IL19: variants seen among roughly 807,000 people sequenced by gnomAD.
IL19 encodes interleukin 19.
Under a neutral mutation model 19.5 loss-of-function variants are expected in IL19, and 15 were observed. That is an observed-to-expected ratio of 0.77 (90% confidence interval 0.52 to 1.19). The LOEUF is 1.19. Ranked by LOEUF, IL19 falls within the 50% of genes most tolerant of loss-of-function variation. The probability of loss-of-function intolerance (pLI) is 0.00; values close to 1 mark genes in which losing one functional copy is unlikely to be tolerated. For missense variants in IL19, 199 were observed against 213.1 expected (o/e 0.93, Z 0.41); for synonymous variants, 78 against 78.3 (o/e 1.00, Z 0.02).
intron 1 of IL19, among the ~76,000 whole-genome samples, chr1:206,793,500 G>A (rs111998860): frequency 1.6e-4 from 24 of 152,254 alleles, no homozygotes; most frequent in African/African-American, 5.3e-4. Context: ...TCCCCCAGCC[G>A]GCCTGACTCA....
At chr1:206,818,270 C>T (rs1676212799) in intron 2 of IL19, among the ~76,000 whole-genome samples, 2 of 152,046 alleles carry the variant, frequency 1.3e-5, no homozygotes, top group Admixed American at 1.3e-4. Flanking sequence ...TATTCTGGGC[C>T]GATAAACTGG....
At chr1:206,798,372 C>A (rs373114518) in intron 1 of IL19, among the ~76,000 whole-genome samples, 13 of 152,088 alleles carry the variant, frequency 8.5e-5, no homozygotes, top group African/African-American at 3.1e-4. Flanking sequence ...GACCTGCAGT[C>A]CTTGGGGGGC....
chr1:206,824,851 C>T (rs778464228), intron 2 of IL19, among the ~76,000 whole-genome samples: 9 of 152,224 alleles, frequency 5.9e-5, no homozygotes, highest in Non-Finnish European at 1.2e-4. Flanking sequence ...CAACCTCTGC[C>T]TCCTGGGTTC....
At chr1:206,824,825 C>T (rs1178656848) in intron 2 of IL19, among the ~76,000 whole-genome samples, 1 of 152,188 alleles carries the variant, frequency 6.6e-6, no homozygotes, top group Non-Finnish European at 1.5e-5. Flanking sequence ...TGCAATGGCA[C>T]GATCTCGGCT....
intron 4 of IL19, 103 bp from the exon 5 acceptor site, chr1:206,839,747 T>G: frequency 9.8e-7 from 1 of 1,015,904 alleles, no homozygotes; most frequent in Non-Finnish European, 1.5e-6. Flanking sequence ...CAAAATGACT[T>G]TTAGTTCTCT....
At chr1:206,841,963 G>T (rs1051757248) in intron 6 of IL19, among the ~76,000 whole-genome samples, 5 of 152,162 alleles carry the variant, frequency 3.3e-5, no homozygotes, top group Non-Finnish European at 7.3e-5. Context: ...TCTACAGGAC[G>T]CGCTAAAAGC....
chr1:206,835,061 C>T (rs1183138474), intron 2 of IL19, among the ~76,000 whole-genome samples: 2 of 152,210 alleles, frequency 1.3e-5, no homozygotes, highest in Non-Finnish European at 1.5e-5. Context: ...TTACTTACTA[C>T]TAATATCTGA....
chr1:206,841,190 C>A, intron 6 of IL19, 112 bp downstream of exon 6: 1 of 800,656 alleles, frequency 1.2e-6, no homozygotes. Context: ...TATAAGCAGC[C>A]ATTGTGGGCA....
In IL19 at chr1:206,771,310, C is replaced by G. The variant is rs1475387724; in HGVS notation, c.-149+232C>G. 4 of 1,547,076 alleles carry G rather than the reference C, an allele frequency of 2.6e-6. No homozygotes were observed. The African/African-American group carries it at 5.4e-5, about 21-fold the overall frequency. ...AATCAGGAAGCAGAGTCTCCCTTCCCTTAATCATGCTGCACACTCCCCCAG... is the reference window on the plus strand; with the variant it reads ...AATCAGGAAGCAGAGTCTCCCTTCCGTTAATCATGCTGCACACTCCCCCAG... On this transcript the variant is annotated intron_variant, in intron 1 of 6. Transcript: ENST00000659997.
intron 1 of IL19, among the ~76,000 whole-genome samples, chr1:206,778,359 C>T (rs45548734): frequency 8.1e-4 from 123 of 152,300 alleles, no homozygotes; most frequent in Non-Finnish European, 1.3e-3. Context: ...GCCTTGGCCA[C>T]CCAGAGGACC....
At chr1:206,825,869 T>C (rs951625983) in intron 2 of IL19, among the ~76,000 whole-genome samples, 2 of 152,248 alleles carry the variant, frequency 1.3e-5, no homozygotes, top group Admixed American at 1.3e-4. Context: ...GGACCCAGTA[T>C]GTGCTACATT....
chr1:206,801,639 C>A (rs1303136380), intron 2 of IL19, among the ~76,000 whole-genome samples: 1 of 152,242 alleles, frequency 6.6e-6, no homozygotes, highest in Non-Finnish European at 1.5e-5. Flanking sequence ...CTGAGTCAGA[C>A]CCAAGAGCTC....
At chr1:206,801,720 T>C (rs573701752) in intron 2 of IL19, among the ~76,000 whole-genome samples, 1 of 152,370 alleles carries the variant, frequency 6.6e-6, no homozygotes, top group South Asian at 2.1e-4. Flanking sequence ...AGGACAGTTA[T>C]CTGTTCTTAT....
In IL19 at chr1:206,799,396, G is replaced by A. The variant is rs541839187; in HGVS notation, c.-3+390G>A. ...GCAAAAAGGGGGAATTTACTGTAAGGAGCCTGGGGTGTCTCAGAATATCCA... is the reference window on the plus strand; with the variant it reads ...GCAAAAAGGGGGAATTTACTGTAAGAAGCCTGGGGTGTCTCAGAATATCCA... On this transcript the variant is annotated intron_variant, in intron 2 of 6. Transcript: ENST00000659997. Among the ~76,000 whole-genome samples the A allele has an allele frequency of 7.2e-5, 11 of 152,284 alleles. No individual in the cohort carries two copies. The East Asian group carries it at 1.7e-3, about 24-fold the overall frequency.
At chr1:206,831,806 G>A (rs913675562) in intron 2 of IL19, among the ~76,000 whole-genome samples, 1 of 152,192 alleles carries the variant, frequency 6.6e-6, no homozygotes. Context: ...CAGTACCAGC[G>A]ATTATGGTAC....
intron 4 of IL19, among the ~76,000 whole-genome samples, chr1:206,838,777 TTCCC>T (rs1676892729): frequency 6.8e-6 from 1 of 146,128 alleles, no homozygotes. Flanking sequence ...TTCCCTTCCC[TTCCC>T]TTCCCTTCCC....
At chr1:206,782,307 T>C (rs1323271384) in intron 1 of IL19, among the ~76,000 whole-genome samples, 1 of 152,162 alleles carries the variant, frequency 6.6e-6, no homozygotes, top group Non-Finnish European at 1.5e-5. Flanking sequence ...CAACTGCTCT[T>C]ACATGCGGTC....
intron 2 of IL19, among the ~76,000 whole-genome samples, chr1:206,799,348 A>G (rs750268864): frequency 2.6e-4 from 39 of 152,124 alleles, no homozygotes; most frequent in Non-Finnish European, 5.9e-5. Flanking sequence ...GCTAGCTGCA[A>G]TGGTACAGTC....
chr1:206,815,217 C>G (rs142346785), intron 2 of IL19, among the ~76,000 whole-genome samples: 2 of 152,080 alleles, frequency 1.3e-5, no homozygotes, highest in East Asian at 3.9e-4. Flanking sequence ...GAACAAACAG[C>G]CTGAGAGAGA....
Sources: allele counts gnomAD v4.1 joint callset (sites outside exome capture counted in the v4.1 genomes callset), GRCh38; gene constraint gnomAD v4.1.1; transcripts MANE v1.5; gene names NCBI Gene and HGNC (gene_info 2026-07-23, HGNC 2026-07-21).